The following PIK3AP1 variants were observed in gnomAD, a reference collection of about 807,000 sequenced individuals.
PIK3AP1 encodes the protein phosphoinositide-3-kinase adaptor protein 1.
In PIK3AP1, 21 loss-of-function variants were observed where a neutral mutation model predicts 88.1. The observed-to-expected ratio is 0.24, with a 90% CI of 0.17 to 0.34. The LOEUF (loss-of-function observed/expected upper bound fraction) is 0.34. Among genes scored for constraint, PIK3AP1 ranks in the 10% least tolerant of loss-of-function variants. The pLI is 1.00. For missense variants in PIK3AP1, 828 were observed against 1,035.7 expected, an observed-to-expected ratio of 0.80 and a Z score of 2.75; for synonymous variants, 398 against 400.0, an observed-to-expected ratio of 1.00 and a Z score of 0.06.
intron 2 of PIK3AP1, among the ~76,000 whole-genome samples, chr10:96,693,859 T>C (rs1844187161): frequency 6.6e-6 from 1 of 152,166 alleles, no homozygotes; most frequent in Non-Finnish European, 1.5e-5. Flanking sequence ...AGAAGTAAAA[T>C]GCTAATTTTA....
Position 96,594,021 on chromosome 10 carries a change from C to T in PIK3AP1, c.*1556G>A, listed in dbSNP as rs531416834. 1 of 152,262 alleles carries T rather than the reference C, an allele frequency of 6.6e-6. No individual in the cohort carries two copies. The highest frequency in any genetic ancestry group is 1.5e-5 in the Non-Finnish European group (1 of 68,010). The allele number at this position is 152,262 out of a possible 1,614,324, so 9.4% of individuals were successfully genotyped here. A position where few individuals can be genotyped will look rare whatever the true frequency, so the allele number is the denominator to read the frequency against. ...AGAATAATCCCATGGGAAACAAACA[C>T]ATTTTGAATATTTTTTAAAGAAGTA... On this transcript the variant is annotated 3_prime_UTR_variant, in exon 17 of 17. Transcript: ENST00000339364. This position sits in a 1 kb window ranked among gnomAD's most constrained non-coding sequence, Gnocchi z 4.6.
chr10:96,690,228 T>C (rs989281444), intron 2 of PIK3AP1, among the ~76,000 whole-genome samples: 1 of 152,150 alleles, frequency 6.6e-6, no homozygotes, highest in Non-Finnish European at 1.5e-5. Flanking sequence ...TGAGTATCCT[T>C]GGGCAGGTCA....
chr10:96,670,155 CAAAA>C (rs35152022), intron 2 of PIK3AP1, among the ~76,000 whole-genome samples: 3 of 91,472 alleles, frequency 3.3e-5, no homozygotes, highest in Admixed American at 1.2e-4. Flanking sequence ...AAGACTCCAT[CAAAA>C]AAAAAAAAAA....
chr10:96,630,805 G>T (rs1381353515), intron 8 of PIK3AP1, among the ~76,000 whole-genome samples: 1 of 151,978 alleles, frequency 6.6e-6, no homozygotes. Context: ...TCACGCCACC[G>T]CACTGCAGCC....
At chr10:96,644,260 G>C (rs777331189) in intron 8 of PIK3AP1, among the ~76,000 whole-genome samples, 4 of 152,202 alleles carry the variant, frequency 2.6e-5, no homozygotes, top group Non-Finnish European at 5.9e-5. Context: ...GATGTTTCAT[G>C]TCCCTCGTGA....
intron 8 of PIK3AP1, chr10:96,633,233 G>T: frequency 1.5e-6 from 1 of 684,034 alleles, no homozygotes. Context: ...TACCAATCAG[G>T]AGCCATTTTT....
intron 8 of PIK3AP1, 73 bp from the exon 9 acceptor site, chr10:96,628,566 T>C: frequency 8.0e-7 from 1 of 1,253,886 alleles, no homozygotes; most frequent in South Asian, 1.2e-5. Context: ...CAGATGGAAC[T>C]ATGAGGTTTG....
intron 2 of PIK3AP1, among the ~76,000 whole-genome samples, chr10:96,676,308 C>CTT (rs147680543): frequency 5.1e-4 from 65 of 126,630 alleles, no homozygotes; most frequent in African/African-American, 1.6e-3. Context: ...TGTGACCTTG[C>CTT]TTTTTTTTTT....
In PIK3AP1 at chr10:96,651,585, A is replaced by G. The variant is rs1843538380; in HGVS notation, c.779T>C (p.Ile260Thr). ...TTCTTCCATGTCAGTATAATAGCTG[A>G]TAACGGTTTCACACACCACTAAGTC... ...SGDLVVCETVISYYTDMEEIG... is the reference protein window; with the variant it reads ...SGDLVVCETVTSYYTDMEEIG... Residue 260 changes from isoleucine (I) to threonine (T), a missense_variant, in exon 5 of 17, where the codon ATC becomes ACC. Transcript: ENST00000339364. 1 of 1,614,216 alleles carries G rather than the reference A, an allele frequency of 6.2e-7. No individual in the cohort carries two copies. Among genetic ancestry groups the G allele is most frequent in the Non-Finnish European group, 8.5e-7 (1 of 1,180,030 alleles).
At chr10:96,613,405 G>A (rs1392693727) in intron 13 of PIK3AP1, among the ~76,000 whole-genome samples, 8 of 152,126 alleles carry the variant, frequency 5.3e-5, no homozygotes, top group African/African-American at 9.7e-5. Flanking sequence ...CAGGCAGAAC[G>A]TTCTCCCATA....
At chr10:96,672,025 T>C (rs1300964994) in intron 2 of PIK3AP1, among the ~76,000 whole-genome samples, 2 of 151,924 alleles carry the variant, frequency 1.3e-5, no homozygotes, top group African/African-American at 4.8e-5. Context: ...GGAAACAAAG[T>C]GACACCCTGT....
chr10:96,677,625 AC>A (rs1326048545), intron 2 of PIK3AP1, among the ~76,000 whole-genome samples: 12 of 150,124 alleles, frequency 8.0e-5, no homozygotes, highest in African/African-American at 1.5e-4. Flanking sequence ...ACACACACAC[AC>A]AAAAGGCCTT....
Position 96,656,872 on chromosome 10 carries a change from T to C in PIK3AP1, c.493A>G (p.Lys165Glu), listed in dbSNP as rs1391357326. Reference protein sequence around the residue: ...PEDEKVVSYSKQQNLPTVTSP... With the variant: ...PEDEKVVSYSEQQNLPTVTSP... ...GTCACCGTCGGCAGGTTCTGCTGCTTCGAGTAGGAAACAACCTTCTCGTCC... is the reference window on the plus strand; with the variant it reads ...GTCACCGTCGGCAGGTTCTGCTGCTCCGAGTAGGAAACAACCTTCTCGTCC... The change falls in exon 3 of 17, where the codon AAG becomes GAG. Residue 165 changes from lysine to glutamate, a missense_variant. By Grantham distance (56) the Lys-to-Glu change is moderately conservative. Around this residue, in one of 3 missense-constraint regions of PIK3AP1, gnomAD observed 610 missense variants for 760.1 expected, o/e 0.80. Coordinates refer to ENST00000339364, the MANE Select transcript of PIK3AP1 (RefSeq NM_152309.3). 1 of 1,613,970 alleles carries C rather than the reference T, an allele frequency of 6.2e-7. No individual in the cohort carries two copies. Among genetic ancestry groups the C allele is most frequent in the Non-Finnish European group, 8.5e-7 (1 of 1,180,026 alleles).
chr10:96,668,190 T>C (rs1843792320), intron 2 of PIK3AP1, among the ~76,000 whole-genome samples: 1 of 152,224 alleles, frequency 6.6e-6, no homozygotes, highest in South Asian at 2.1e-4. Flanking sequence ...ACAAATACTC[T>C]GTTACCTACA....
At chr10:96,710,111 G>T (rs1008452256) in intron 1 of PIK3AP1, 128 bp from the exon 2 acceptor site, 9 of 747,702 alleles carry the variant, frequency 1.2e-5, no homozygotes, top group Non-Finnish European at 6.4e-6. Context: ...TGTGCCTCCA[G>T]CACACCAGCA....
intron 8 of PIK3AP1, among the ~76,000 whole-genome samples, chr10:96,640,738 G>A (rs1843373282): frequency 6.6e-6 from 1 of 151,704 alleles, no homozygotes; most frequent in Admixed American, 6.6e-5. Flanking sequence ...GCTCACTGCA[G>A]CCTTGAACGC....
chr10:96,659,687 ACT>A (rs755534814), intron 2 of PIK3AP1, among the ~76,000 whole-genome samples: 1 of 149,756 alleles, frequency 6.7e-6, no homozygotes, highest in East Asian at 2.0e-4. Context: ...ACATAGTAAA[ACT>A]CTGTCTCTAC....
chr10:96,625,862 C>G (rs558880416), intron 10 of PIK3AP1, among the ~76,000 whole-genome samples: 38 of 152,294 alleles, frequency 2.5e-4, no homozygotes, highest in Non-Finnish European at 3.2e-4. Context: ...AATCCTTCCA[C>G]CTCAGCCTCC....
At chr10:96,600,977 G>A (rs193074687) in intron 16 of PIK3AP1, among the ~76,000 whole-genome samples, 1,964 of 152,100 alleles carry the variant, frequency 0.013, 32 homozygotes, top group Non-Finnish European at 0.016. Context: ...AGAGGCCCAA[G>A]TATCATATAA....
Sources: gnomAD v4.1 joint callset for allele counts (sites outside exome capture counted in the v4.1 genomes callset) on GRCh38, gnomAD v4.1.1 for gene constraint, gnomAD v4.1.1 regional missense constraint, Gnocchi (gnomAD v3.1) non-coding constraint, MANE v1.5 for transcripts, NCBI Gene and HGNC (gene_info 2026-07-23, HGNC 2026-07-21) for gene names.